The following PRELID2 variants were observed in gnomAD, a reference collection of about 807,000 sequenced individuals.
PRELID2 encodes the protein PRELI domain containing 2, also known as PRELI domain-containing protein 2.
In PRELID2, 25 loss-of-function variants were observed where a neutral mutation model predicts 28.4. That is an observed-to-expected ratio of 0.88 (90% confidence interval 0.64 to 1.23). The LOEUF (loss-of-function observed/expected upper bound fraction) is 1.23, where lower values mean the gene tolerates loss of function less well. PRELID2 is among the 50% of genes most tolerant of loss of function. The probability of loss-of-function intolerance (pLI) is 0.00; values close to 1 mark genes in which losing one functional copy is unlikely to be tolerated. For missense variants in PRELID2, 201 were observed against 214.4 expected (o/e 0.94, Z 0.39); for synonymous variants, 76 against 71.6 (o/e 1.06, Z -0.31).
At chr5:145,710,608 A>T (rs2149709583) in intron 1 of PRELID2, among the ~76,000 whole-genome samples, 1 of 152,352 alleles carries the variant, frequency 6.6e-6, no homozygotes, top group South Asian at 2.1e-4. Context: ...GAAAGAAGTC[A>T]GGAGGCAGGC....
the PRELID2 span, among the ~76,000 whole-genome samples, chr5:145,343,436 C>T: frequency 4.1e-5 from 6 of 148,084 alleles, no homozygotes; most frequent in South Asian, 1.3e-3. Flanking sequence ...TTTGAGTCAA[C>T]AAAGAAAATT....
intron 1 of PRELID2, among the ~76,000 whole-genome samples, chr5:145,483,438 A>G (rs1236210607): frequency 6.6e-6 from 1 of 152,248 alleles, no homozygotes; most frequent in African/African-American, 2.4e-5. Flanking sequence ...CATCACAGAC[A>G]GACACATGAG....
rs564375644 is a variant in PRELID2, at chr5:145,507,091, T to A, written n.71-33776A>T. On this transcript the variant is annotated intron_variant and non_coding_transcript_variant, in intron 1 of 2. Transcript: ENST00000510259. ...TAGCATACAGTAAGGGCTCAATAAA[T>A]CCTTATAAGATAAATACATTCTAGA... Among the ~76,000 whole-genome samples the A allele has an allele frequency of 9.8e-5, 15 of 152,296 alleles. 1 individual carries two copies. The East Asian group carries it at 2.9e-3, about 29-fold the overall frequency.
At chr5:145,556,177 CAAA>C (rs1231402100) in intron 1 of PRELID2, among the ~76,000 whole-genome samples, 2 of 61,216 alleles carry the variant, frequency 3.3e-5, no homozygotes, top group East Asian at 5.1e-4. Flanking sequence ...GACTCTATCT[CAAA>C]AAAAAAAAAA....
intron 1 of PRELID2, among the ~76,000 whole-genome samples, chr5:145,719,604 C>T (rs570933277): frequency 4.6e-5 from 7 of 151,964 alleles, no homozygotes; most frequent in Non-Finnish European, 8.8e-5. Context: ...CTTCATTACA[C>T]AGATAGAAGA....
In PRELID2 at chr5:145,472,605, A is replaced by G. The variant is rs116863921; in HGVS notation, n.187-468T>C. ...GAATAGCCCCCAGCCCTTTATGCCT[A>G]CTACCTTAGGGTCACAGCAGAAAAT... On this transcript the variant is annotated intron_variant and non_coding_transcript_variant, in intron 2 of 2. Coordinates refer to the PRELID2 transcript ENST00000510259. 2.2e-3 allele frequency among the ~76,000 whole-genome samples: 342 copies of G among 152,286 alleles called. 8 individuals are homozygous for G. In the East Asian group the frequency reaches 0.051, roughly 23 times the overall value.
At chr5:145,364,399 GTTACA>G in the PRELID2 span, among the ~76,000 whole-genome samples, 1 of 151,902 alleles carries the variant, frequency 6.6e-6, no homozygotes, top group Admixed American at 6.6e-5. Flanking sequence ...ACTGAAATAA[GTTACA>G]TATTTGTTGA....
At chr5:145,371,206 A>G in the PRELID2 span, among the ~76,000 whole-genome samples, 1 of 152,250 alleles carries the variant, frequency 6.6e-6, no homozygotes, top group East Asian at 1.9e-4. Context: ...TTCAAAGGCA[A>G]TGCTTCCAGC....
At chr5:145,470,167 C>T (rs375717879), downstream of PRELID2, among the ~76,000 whole-genome samples, 4 of 152,214 alleles carry the variant, frequency 2.6e-5, no homozygotes, top group East Asian at 7.7e-4. Context: ...GTCTAAAGGG[C>T]CAGATAGTAA....
the PRELID2 span, among the ~76,000 whole-genome samples, chr5:145,261,313 C>T: frequency 6.6e-6 from 1 of 152,312 alleles, no homozygotes; most frequent in Admixed American, 6.5e-5. Context: ...TTGTATCCTC[C>T]CTATGTTACT....
At position 145,651,495 on chromosome 5, in the gene PRELID2, G is replaced by A. The variant is rs966571054; in HGVS notation, n.70+113436C>T. On this transcript the variant is annotated intron_variant and non_coding_transcript_variant, in intron 1 of 2. Coordinates refer to the PRELID2 transcript ENST00000510259. ...CCCTGATCCCTGAGTAGCATAACTG[G>A]GAGGCACCCCCAGTAGGGGCAGACT... Among the ~76,000 whole-genome samples, 8 of 152,304 alleles carry A rather than the reference G, an allele frequency of 5.3e-5. No homozygotes were observed. In the East Asian group the frequency reaches 1.5e-3, roughly 29 times the overall value.
chr5:145,411,891 G>A, the PRELID2 span, among the ~76,000 whole-genome samples: 155 of 152,264 alleles, frequency 1.0e-3, 1 homozygote, highest in East Asian at 0.027. Flanking sequence ...TCAATACCAC[G>A]TGGAAGCCGC....
chr5:145,440,976 G>T, the PRELID2 span: 1 of 152,010 alleles, frequency 6.6e-6, no homozygotes, highest in Non-Finnish European at 1.5e-5. Flanking sequence ...GATGAGCAGT[G>T]TTCATTATCT....
chr5:145,324,435 A>G, the PRELID2 span, among the ~76,000 whole-genome samples: 11 of 152,308 alleles, frequency 7.2e-5, no homozygotes, highest in African/African-American at 2.6e-4. Context: ...TAGCTATTCT[A>G]TTCTTCCAAA....
chr5:145,800,550 T>A (rs553309091), intron 4 of PRELID2, among the ~76,000 whole-genome samples: 1 of 152,170 alleles, frequency 6.6e-6, no homozygotes, highest in African/African-American at 2.4e-5. Context: ...TTGGGAGAGA[T>A]GAACTCTTCA....
At chr5:145,260,755 C>T in the PRELID2 span, among the ~76,000 whole-genome samples, 2 of 152,182 alleles carry the variant, frequency 1.3e-5, no homozygotes, top group South Asian at 4.1e-4. Flanking sequence ...GAACTCACAC[C>T]ATGAACTTTT....
chr5:145,639,396 A>G (rs1171972157), intron 1 of PRELID2, among the ~76,000 whole-genome samples: 2 of 152,202 alleles, frequency 1.3e-5, no homozygotes, highest in Non-Finnish European at 2.9e-5. Context: ...AGGTCTAAGC[A>G]TAGTAGAATG....
chr5:145,441,648 A>C, the PRELID2 span, among the ~76,000 whole-genome samples: 28 of 152,112 alleles, frequency 1.8e-4, no homozygotes, highest in African/African-American at 6.5e-4. Flanking sequence ...GATTTCCATA[A>C]TTCCTAGGAA....
At chr5:145,741,986 T>C in intron 1 of PRELID2, among the ~76,000 whole-genome samples, 1 of 34,746 alleles carries the variant, frequency 2.9e-5, no homozygotes, top group Non-Finnish European at 6.6e-5. Context: ...TTAATTATAA[T>C]AAATTTATTA....
Sources: allele counts gnomAD v4.1 joint callset (sites outside exome capture counted in the v4.1 genomes callset), GRCh38; gene constraint gnomAD v4.1.1; transcripts MANE v1.5; gene names NCBI Gene and HGNC (gene_info 2026-07-23, HGNC 2026-07-21).